The following DLGAP2 variants were observed in gnomAD, a reference collection of about 807,000 sequenced individuals.
The protein encoded by DLGAP2 is DLG associated protein 2, also known as disks large-associated protein 2.
DLGAP2 carries 26 observed loss-of-function variants against 100.3 expected under a neutral mutation model. That is an observed-to-expected ratio of 0.26 (90% CI 0.19 to 0.36). The LOEUF (loss-of-function observed/expected upper bound fraction) is 0.36. DLGAP2 is among the 10% of genes least tolerant of loss of function. The pLI is 1.00. For synonymous variants in DLGAP2, 886 were observed against 630.1 expected (o/e 1.41, Z -6.08); for missense variants, 1,858 against 1,453.2 (o/e 1.28, Z -4.53).
At chr8:1,033,836 C>T (rs1259547614) in intron 2 of DLGAP2, among the ~76,000 whole-genome samples, 30 of 142,216 alleles carry the variant, frequency 2.1e-4, no homozygotes, top group Non-Finnish European at 3.5e-4. Context: ...ACGCTCATCC[C>T]GGCCCCGCGT....
At chr8:1,331,438 C>T (rs1391583819) in intron 3 of DLGAP2, among the ~76,000 whole-genome samples, 1 of 152,156 alleles carries the variant, frequency 6.6e-6, no homozygotes, top group Non-Finnish European at 1.5e-5. Context: ...CAAACCTGCC[C>T]TCCTTCCAGG....
chr8:1,324,009 G>T (rs74514559), intron 3 of DLGAP2, among the ~76,000 whole-genome samples: 4 of 152,196 alleles, frequency 2.6e-5, no homozygotes, highest in Non-Finnish European at 1.5e-5. Flanking sequence ...CTTTACACCA[G>T]ATTCATCTGG....
chr8:1,147,764 C>A (rs1227264516), intron 2 of DLGAP2, among the ~76,000 whole-genome samples: 2 of 151,980 alleles, frequency 1.3e-5, no homozygotes, highest in Non-Finnish European at 1.5e-5. Flanking sequence ...CTCAAGTGAT[C>A]CTCCCACCTT....
intron 4 of DLGAP2, among the ~76,000 whole-genome samples, chr8:1,518,774 C>T (rs1020602164): frequency 1.2e-4 from 19 of 152,176 alleles, no homozygotes; most frequent in Admixed American, 2.6e-4. Flanking sequence ...CAAACCATAT[C>T]GAACCCATGT....
At chr8:1,651,258 C>G (rs1798156005) in intron 8 of DLGAP2, among the ~76,000 whole-genome samples, 1 of 152,226 alleles carries the variant, frequency 6.6e-6, no homozygotes, top group African/African-American at 2.4e-5. Context: ...GTTGACCCAC[C>G]AGATTCTGTG....
chr8:763,163 G>A (rs929389330), intron 1 of DLGAP2, among the ~76,000 whole-genome samples: 5 of 152,192 alleles, frequency 3.3e-5, no homozygotes, highest in African/African-American at 9.7e-5. Context: ...CAGGCTGACC[G>A]TGCCCTGGAA....
chr8:1,436,122 G>A (rs1033942492), intron 3 of DLGAP2, among the ~76,000 whole-genome samples: 1 of 152,138 alleles, frequency 6.6e-6, no homozygotes, highest in Non-Finnish European at 1.5e-5. Flanking sequence ...GAGGAGAATT[G>A]ACTCACAACC....
In DLGAP2 at chr8:1,451,760, C is replaced by T. The variant is rs548894441; in HGVS notation, c.107-49606C>T. 3.3e-5 allele frequency among the ~76,000 whole-genome samples: 5 copies of T among 152,322 alleles called. No individual in the cohort carries two copies. In the South Asian group the frequency reaches 8.3e-4, roughly 25 times the overall value. ...TGTCCAGGAGCTCCCTCCACAGTAA[C>T]GACTCCCACATCTTCCTGAGGCCAC... On this transcript the variant is annotated intron_variant, in intron 3 of 14. Transcript: ENST00000637795.
chr8:1,544,169 C>T (rs942469538), intron 4 of DLGAP2, among the ~76,000 whole-genome samples: 1 of 152,148 alleles, frequency 6.6e-6, no homozygotes, highest in Non-Finnish European at 1.5e-5. Flanking sequence ...TCCCAAAGTG[C>T]TGGGATTACA....
At chr8:1,128,337 G>A (rs1428824880) in intron 2 of DLGAP2, among the ~76,000 whole-genome samples, 2 of 151,842 alleles carry the variant, frequency 1.3e-5, no homozygotes, top group Non-Finnish European at 2.9e-5. Context: ...TGCCCCCGGT[G>A]TTGTGTTCCG....
intron 2 of DLGAP2, among the ~76,000 whole-genome samples, chr8:1,043,204 C>CGGGTGGTGGACGT (rs1802415823): frequency 2.1e-5 from 1 of 46,616 alleles, no homozygotes; most frequent in African/African-American, 1.1e-4. Flanking sequence ...GTGGTGGATG[C>CGGGTGGTGGACGT]GGGTGGTGGG....
chr8:1,145,860 G>A (rs919379668), intron 2 of DLGAP2, among the ~76,000 whole-genome samples: 18 of 146,792 alleles, frequency 1.2e-4, no homozygotes, highest in South Asian at 2.2e-4. Flanking sequence ...GAGAATATGC[G>A]GTGTTTGGTT....
At chr8:780,134 C>T (rs939561274) in intron 1 of DLGAP2, among the ~76,000 whole-genome samples, 1 of 152,162 alleles carries the variant, frequency 6.6e-6, no homozygotes. Flanking sequence ...CTACATCTGC[C>T]CTTTCCTCAT....
At chr8:1,412,476 A>G (rs779096984) in intron 3 of DLGAP2, among the ~76,000 whole-genome samples, 3 of 152,206 alleles carry the variant, frequency 2.0e-5, no homozygotes, top group African/African-American at 4.8e-5. Context: ...CAGTGCTGAA[A>G]TATCCCACTG....
intron 1 of DLGAP2, among the ~76,000 whole-genome samples, chr8:789,656 A>G (rs932277994): frequency 3.9e-5 from 6 of 152,216 alleles, no homozygotes; most frequent in African/African-American, 1.4e-4. Flanking sequence ...ATAGCCCCCA[A>G]AGTGGAAGCT....
intron 2 of DLGAP2, among the ~76,000 whole-genome samples, chr8:1,231,495 A>G (rs531030796): frequency 2.4e-4 from 37 of 152,332 alleles, no homozygotes; most frequent in African/African-American, 7.2e-4. Flanking sequence ...TGTATCCAAA[A>G]GAAAACAAAA....
intron 4 of DLGAP2, among the ~76,000 whole-genome samples, chr8:1,502,959 G>A (rs1799774540): frequency 6.6e-6 from 1 of 152,116 alleles, no homozygotes; most frequent in Non-Finnish European, 1.5e-5. Flanking sequence ...GCACAGAACT[G>A]AAACAAGAGT....
At chr8:1,596,968 G>A (rs948684366) in intron 6 of DLGAP2, among the ~76,000 whole-genome samples, 3 of 152,020 alleles carry the variant, frequency 2.0e-5, no homozygotes, top group African/African-American at 7.2e-5. Context: ...GTATTGCCTA[G>A]GTTTTCTTCT....
chr8:1,339,942 A>G (rs530237092), intron 3 of DLGAP2, among the ~76,000 whole-genome samples: 1 of 152,360 alleles, frequency 6.6e-6, no homozygotes, highest in East Asian at 1.9e-4. Flanking sequence ...AACAGCTAGT[A>G]TCGTGATCTT....
Sources: gnomAD v4.1 joint callset for allele counts (sites outside exome capture counted in the v4.1 genomes callset) on GRCh38, gnomAD v4.1.1 for gene constraint, MANE v1.5 for transcripts, NCBI Gene and HGNC (gene_info 2026-07-23, HGNC 2026-07-21) for gene names.